MACROD2: variants seen among roughly 807,000 people sequenced by gnomAD.
MACROD2 encodes the protein ADP-ribose glycohydrolase MACROD2.
In MACROD2, 36 loss-of-function variants were observed where a neutral mutation model predicts 70.4. That is an observed-to-expected ratio of 0.51 (90% CI 0.39 to 0.68). The LOEUF (loss-of-function observed/expected upper bound fraction) is 0.68. MACROD2 is among the 30% of genes least tolerant of loss of function. The pLI is 0.00. For synonymous variants in MACROD2, 172 were observed against 178.8 expected (o/e 0.96, Z 0.30); for missense variants, 496 against 538.4 (o/e 0.92, Z 0.78).
chr20:15,870,375 G>A (rs986521663), intron 9 of MACROD2, among the ~76,000 whole-genome samples: 5 of 152,010 alleles, frequency 3.3e-5, no homozygotes, highest in African/African-American at 1.2e-4. Context: ...TAAATATATA[G>A]TAGGTGTTTA....
chr20:14,601,595 G>A (rs1982503057), intron 4 of MACROD2, among the ~76,000 whole-genome samples: 1 of 151,940 alleles, frequency 6.6e-6, no homozygotes, highest in Admixed American at 6.6e-5. Context: ...TTGAATATAT[G>A]ATACTATTAT....
intron 3 of MACROD2, among the ~76,000 whole-genome samples, chr20:14,229,957 T>C (rs2081785273): frequency 6.6e-6 from 1 of 152,228 alleles, no homozygotes; most frequent in Admixed American, 6.5e-5. Flanking sequence ...GCTTTCCTAA[T>C]GCAAATAAAA....
At chr20:14,472,415 G>A (rs1262845851) in intron 3 of MACROD2, among the ~76,000 whole-genome samples, 2 of 152,116 alleles carry the variant, frequency 1.3e-5, no homozygotes, top group African/African-American at 4.8e-5. Flanking sequence ...TCCAGCATAT[G>A]TTGAATGCTT....
chr20:14,820,412 T>C (rs1002479445), intron 5 of MACROD2, among the ~76,000 whole-genome samples: 2 of 148,296 alleles, frequency 1.3e-5, no homozygotes, highest in Non-Finnish European at 3.0e-5. Context: ...TAAAAAGGAA[T>C]TTTCTTATAA....
intron 5 of MACROD2, among the ~76,000 whole-genome samples, chr20:14,954,602 A>G: frequency 7.6e-6 from 1 of 132,210 alleles, no homozygotes; most frequent in East Asian, 2.1e-4. Context: ...TATAATAATT[A>G]TATAGTTATT....
chr20:15,120,446 T>C (rs952312720), intron 5 of MACROD2, among the ~76,000 whole-genome samples: 2 of 152,156 alleles, frequency 1.3e-5, no homozygotes, highest in African/African-American at 4.8e-5. Flanking sequence ...TCTCCCCTAC[T>C]TTATGTAATA....
chr20:14,986,490 C>T (rs1462633730), intron 5 of MACROD2, among the ~76,000 whole-genome samples: 2 of 152,052 alleles, frequency 1.3e-5, no homozygotes, highest in African/African-American at 4.8e-5. Context: ...TTAGCCAAAT[C>T]ACTTAGATAC....
intron 8 of MACROD2, among the ~76,000 whole-genome samples, chr20:15,633,676 G>A (rs907328264): frequency 6.6e-6 from 1 of 151,838 alleles, no homozygotes; most frequent in Non-Finnish European, 1.5e-5. Context: ...TTTTAAAATT[G>A]AACAAGCTAA....
intron 6 of MACROD2, among the ~76,000 whole-genome samples, chr20:15,410,627 A>G (rs1334737100): frequency 6.6e-6 from 1 of 151,562 alleles, no homozygotes; most frequent in Non-Finnish European, 1.5e-5. Context: ...ATGTTGCAAT[A>G]CAAGCAATTC....
At chr20:14,034,734 ACTGTT>A (rs1395827358) in intron 2 of MACROD2, among the ~76,000 whole-genome samples, 1 of 152,198 alleles carries the variant, frequency 6.6e-6, no homozygotes, top group Non-Finnish European at 1.5e-5. Context: ...TGGGCTAGGC[ACTGTT>A]CTAAGTGGGT....
In MACROD2 at chr20:15,069,056, G is replaced by A. The variant is rs144853366; in HGVS notation, c.419-160884G>A. 3.2e-3 allele frequency among the ~76,000 whole-genome samples: 487 copies of A among 152,274 alleles called. 4 individuals carry two copies. Among genetic ancestry groups the A allele is most frequent in the African/African-American group, 9.8e-3 (408 of 41,558 alleles). On this transcript the variant is annotated intron_variant, in intron 5 of 17. Coordinates refer to ENST00000684519, the MANE Select transcript of MACROD2 (RefSeq NM_001351661.2). ...AATGAGGAAGTTATTGGGAACTAGT[G>A]TAGAGAACAAGGTAGTGCTAGTACC... is the stretch of plus-strand genomic sequence containing the variant.
At chr20:14,348,729 A>G (rs947995919) in intron 3 of MACROD2, among the ~76,000 whole-genome samples, 3 of 152,178 alleles carry the variant, frequency 2.0e-5, no homozygotes, top group Non-Finnish European at 2.9e-5. Flanking sequence ...TTGGAATTTT[A>G]TGCTATCAGG....
At chr20:15,832,186 C>T (rs2064063755) in intron 8 of MACROD2, among the ~76,000 whole-genome samples, 1 of 151,924 alleles carries the variant, frequency 6.6e-6, no homozygotes, top group Non-Finnish European at 1.5e-5. Flanking sequence ...TTTTGCAGTC[C>T]TCAGTGAATT....
intron 8 of MACROD2, among the ~76,000 whole-genome samples, chr20:15,711,105 G>A (rs143880097): frequency 2.0e-5 from 3 of 152,278 alleles, no homozygotes; most frequent in Admixed American, 1.3e-4. Flanking sequence ...TCCCCGTTTT[G>A]AATTCTCCAA....
At chr20:14,054,255 T>C (rs756382771) in intron 2 of MACROD2, among the ~76,000 whole-genome samples, 2 of 151,476 alleles carry the variant, frequency 1.3e-5, no homozygotes, top group Non-Finnish European at 2.9e-5. Context: ...TGGGGAAACT[T>C]GTAGAGTGTA....
intron 4 of MACROD2, among the ~76,000 whole-genome samples, chr20:14,510,228 A>C (rs2085013748): frequency 6.6e-6 from 1 of 152,096 alleles, no homozygotes; most frequent in South Asian, 2.1e-4. Flanking sequence ...GTCAGATTAA[A>C]AGCAGTTTTT....
At chr20:16,029,105 CAG>C (rs1461253942) in intron 15 of MACROD2, among the ~76,000 whole-genome samples, 2 of 152,166 alleles carry the variant, frequency 1.3e-5, no homozygotes, top group Non-Finnish European at 2.9e-5. Context: ...CATGGCAGAG[CAG>C]AGAGAGATTT....
intron 5 of MACROD2, among the ~76,000 whole-genome samples, chr20:15,049,951 A>G (rs920526665): frequency 1.8e-4 from 25 of 136,482 alleles, no homozygotes; most frequent in Admixed American, 1.4e-4. Flanking sequence ...CTGTCTCAGG[A>G]AAAAAAAAAA....
intron 3 of MACROD2, among the ~76,000 whole-genome samples, chr20:14,233,497 C>T (rs1040171807): frequency 4.7e-5 from 7 of 150,352 alleles, no homozygotes; most frequent in African/African-American, 1.7e-4. Flanking sequence ...TTGAGACTGT[C>T]CTGGCTAACA....
Sources: gnomAD v4.1 joint callset for allele counts (sites outside exome capture counted in the v4.1 genomes callset) on GRCh38, gnomAD v4.1.1 for gene constraint, MANE v1.5 for transcripts, NCBI Gene and HGNC (gene_info 2026-07-23, HGNC 2026-07-21) for gene names.